CLN8: variants seen among roughly 807,000 people sequenced by gnomAD.
CLN8 encodes protein CLN8.
In CLN8, 14 loss-of-function variants were observed where a neutral mutation model predicts 15.7. That is an observed-to-expected ratio of 0.89 (90% CI 0.59 to 1.39). The LOEUF (loss-of-function observed/expected upper bound fraction) is 1.39. Ranked by LOEUF, CLN8 falls within the 40% of genes most tolerant of loss-of-function variation. The pLI is 0.00. For missense variants in CLN8, 415 were observed against 364.0 expected (o/e 1.14, Z -1.14); for synonymous variants, 188 against 151.0 (o/e 1.25, Z -1.80).
At chr8:1,767,261 T>C (rs1801101437) in intron 1 of CLN8, among the ~76,000 whole-genome samples, 1 of 152,218 alleles carries the variant, frequency 6.6e-6, no homozygotes, top group Admixed American at 6.5e-5. Flanking sequence ...GGGGATTCAC[T>C]ACAGGACTGG....
At chr8:1,776,508 C>A (rs1801522635) in intron 2 of CLN8, among the ~76,000 whole-genome samples, 1 of 151,126 alleles carries the variant, frequency 6.6e-6, no homozygotes, top group Non-Finnish European at 1.5e-5. Context: ...GTGTGTGTGG[C>A]CTTGCTCCAG....
rs1360478025 is a variant in CLN8 at position 1,783,123 on chromosome 8, A to C, written c.*2556A>C. ...GTCCTCACTGGCCTCAGTCTCCCTG[A>C]CCGGCAGTGTGAGGGGATGTAGCTA... On this transcript the variant is annotated 3_prime_UTR_variant, in exon 3 of 3. Coordinates refer to ENST00000331222, the MANE Select transcript of CLN8 (RefSeq NM_018941.4). 6.6e-6 allele frequency: 1 copy of C among 152,290 alleles called. No homozygotes were observed. The highest frequency in any genetic ancestry group is 2.4e-5 in the African/African-American group (1 of 41,442). 9.4% of individuals were successfully genotyped at this position (152,290 alleles called of 1,614,324 possible).
chr8:1,754,716 G>C (rs576192523), upstream of CLN8, among the ~76,000 whole-genome samples: 3 of 152,208 alleles, frequency 2.0e-5, no homozygotes, highest in Non-Finnish European at 4.4e-5. Context: ...GGTGAAAGTG[G>C]AGAGCAGGGA....
intron 1 of CLN8, among the ~76,000 whole-genome samples, chr8:1,768,366 C>T (rs1801150718): frequency 6.6e-6 from 1 of 152,170 alleles, no homozygotes; most frequent in African/African-American, 2.4e-5. Flanking sequence ...AAACCAAAGA[C>T]CTCCTGAAGC....
chr8:1,760,799 C>G (rs146512656), upstream of CLN8, among the ~76,000 whole-genome samples: 34 of 152,268 alleles, frequency 2.2e-4, no homozygotes, highest in African/African-American at 8.2e-4. Flanking sequence ...CAGTGAGAGA[C>G]AGCTGCTCTG....
At chr8:1,765,440 T>A (rs1801013422) in intron 1 of CLN8, among the ~76,000 whole-genome samples, 1 of 152,268 alleles carries the variant, frequency 6.6e-6, no homozygotes, top group Non-Finnish European at 1.5e-5. Context: ...TATTTTTGTA[T>A]TTTTATGCTT....
intron 1 of CLN8, 89 bp from the exon 2 acceptor site, chr8:1,770,843 T>C: frequency 3.3e-6 from 2 of 606,108 alleles, no homozygotes; most frequent in Non-Finnish European, 5.9e-6. Flanking sequence ...CAGAATTAAA[T>C]ATTTTGTAGT....
upstream of CLN8, among the ~76,000 whole-genome samples, chr8:1,755,568 A>T (rs112030048): frequency 1.3e-5 from 2 of 152,150 alleles, no homozygotes; most frequent in East Asian, 1.9e-4. Context: ...AGGTCCTGAC[A>T]TATCAGCTGC....
At chr8:1,777,576 T>G (rs930600018) in intron 2 of CLN8, among the ~76,000 whole-genome samples, 1 of 152,200 alleles carries the variant, frequency 6.6e-6, no homozygotes, top group African/African-American at 2.4e-5. Flanking sequence ...TATATATATA[T>G]TCTTTATACC....
At chr8:1,775,793 T>G (rs527593656) in intron 2 of CLN8, among the ~76,000 whole-genome samples, 69 of 151,334 alleles carry the variant, frequency 4.6e-4, no homozygotes, top group South Asian at 3.3e-3. Flanking sequence ...CTTCAGTGTT[T>G]TGTCTTCAGA....
At chr8:1,763,061 G>A (rs985219096), upstream of CLN8, 1 of 152,216 alleles carries the variant, frequency 6.6e-6, no homozygotes, top group African/African-American at 2.4e-5. Flanking sequence ...CAAAAACTCA[G>A]GTGTGGGCGC....
intron 1 of CLN8, chr8:1,758,067 G>A (rs1346869010): frequency 6.6e-6 from 1 of 151,858 alleles, no homozygotes; most frequent in Non-Finnish European, 1.5e-5. Flanking sequence ...CAGCATCAGA[G>A]CCCTTTAGTA....
chr8:1,764,152 G>C (rs1800941671), intron 1 of CLN8: 1 of 152,316 alleles, frequency 6.6e-6, no homozygotes. Context: ...GGCCGGGGTG[G>C]CTCCTGGCGT....
chr8:1,756,885 G>A lies in CLN8; in HGVS notation c.-124+803G>A, dbSNP rs373810359. ...TTTAGTAGAGACGGGGTTTGACCAT[G>A]TTGGTCAGGCTGGTCTAGATCTCCT... On this transcript the variant is annotated intron_variant, in intron 1 of 1. Transcript: ENST00000524258. 1.4e-4 allele frequency among the ~76,000 whole-genome samples: 21 copies of A among 152,166 alleles called. No homozygotes were observed. The East Asian group carries it at 2.9e-3, about 21-fold the overall frequency.
intron 2 of CLN8, among the ~76,000 whole-genome samples, chr8:1,778,760 T>G (rs2129014721): frequency 6.6e-6 from 1 of 152,358 alleles, no homozygotes; most frequent in East Asian, 1.9e-4. Context: ...TGAGGCAGGC[T>G]GGGTTACTCC....
chr8:1,756,450 C>T (rs1450231274), intron 1 of CLN8, among the ~76,000 whole-genome samples: 2 of 149,772 alleles, frequency 1.3e-5, no homozygotes, highest in Non-Finnish European at 3.0e-5. Flanking sequence ...CACCATTTCA[C>T]TCCAGCTTGG....
At chr8:1,761,237 A>T (rs1033596476), upstream of CLN8, among the ~76,000 whole-genome samples, 1 of 151,954 alleles carries the variant, frequency 6.6e-6, no homozygotes, top group African/African-American at 2.4e-5. Context: ...CTGCATAGAG[A>T]AAGAATAATC....
At position 1,780,775 on chromosome 8, in the gene CLN8, C is replaced by T; in HGVS notation, c.*208C>T. ...TATAATTTTATGACTGTCTGGCAGG[C>T]TCTGTCAGTTTAGCCGCGCCGGACC... is the stretch of plus-strand genomic sequence containing the variant. On this transcript the variant is annotated 3_prime_UTR_variant, in exon 3 of 3. Coordinates refer to ENST00000331222, the MANE Select transcript of CLN8 (RefSeq NM_018941.4). 1 of 625,590 alleles carries T rather than the reference C, an allele frequency of 1.6e-6. No homozygotes were observed. The highest frequency in any genetic ancestry group is 2.8e-6 in the Non-Finnish European group (1 of 363,354). 38.8% of individuals were successfully genotyped at this position (625,590 alleles called of 1,614,324 possible).
chr8:1,759,873 C>A (rs151060584), upstream of CLN8: 2 of 152,206 alleles, frequency 1.3e-5, no homozygotes, highest in Non-Finnish European at 2.9e-5. Flanking sequence ...TTTCGCCTCT[C>A]GCTCATTATA....
Sources: gnomAD v4.1 joint callset for allele counts (sites outside exome capture counted in the v4.1 genomes callset) on GRCh38, gnomAD v4.1.1 for gene constraint, MANE v1.5 for transcripts, NCBI Gene and HGNC (gene_info 2026-07-23, HGNC 2026-07-21) for gene names.